UIMC1: variants seen among roughly 807,000 people sequenced by gnomAD.
The protein encoded by UIMC1 is BRCA1-A complex subunit RAP80.
UIMC1 carries 42 observed loss-of-function variants against 84.9 expected under a neutral mutation model. The observed-to-expected ratio is 0.49, with a 90% CI of 0.39 to 0.64. UIMC1 has a LOEUF of 0.64. Among genes scored for constraint, UIMC1 ranks in the 30% least tolerant of loss-of-function variants. The pLI is 0.00. For synonymous variants in UIMC1, 281 were observed against 293.0 expected, an observed-to-expected ratio of 0.96 and a Z score of 0.42; for missense variants, 825 against 847.6, an observed-to-expected ratio of 0.97 and a Z score of 0.33.
intron 1 of UIMC1, among the ~76,000 whole-genome samples, chr5:177,019,464 T>C (rs1775741181): frequency 6.6e-6 from 1 of 150,900 alleles, no homozygotes; most frequent in African/African-American, 2.4e-5. Context: ...AGGGAAACCC[T>C]GTCTCTACAA....
At chr5:176,916,152 G>C (rs567408562) in intron 10 of UIMC1, among the ~76,000 whole-genome samples, 54 of 152,314 alleles carry the variant, frequency 3.5e-4, no homozygotes, top group African/African-American at 1.2e-3. Flanking sequence ...TATGAGGGTT[G>C]AGATAGCTAT....
At chr5:176,978,412 G>A (rs1770495086) in intron 2 of UIMC1, among the ~76,000 whole-genome samples, 1 of 152,006 alleles carries the variant, frequency 6.6e-6, no homozygotes, top group African/African-American at 2.4e-5. Context: ...TCATTTGGTA[G>A]CCCGGTTTTA....
intron 10 of UIMC1, among the ~76,000 whole-genome samples, chr5:176,932,005 C>G (rs919155447): frequency 6.6e-6 from 1 of 152,102 alleles, no homozygotes; most frequent in African/African-American, 2.4e-5. Context: ...AAAAAGAAGA[C>G]AACTGAGACC....
At chr5:176,985,198 G>A (rs1000291104) in intron 1 of UIMC1, among the ~76,000 whole-genome samples, 3 of 152,018 alleles carry the variant, frequency 2.0e-5, no homozygotes, top group Admixed American at 6.6e-5. Flanking sequence ...GCTCATGCCT[G>A]TAATCCCAGC....
chr5:176,968,670 T>TGC lies in UIMC1; in HGVS notation c.1083_1084dup (p.Gln362ArgfsTer24), dbSNP rs1287660514. 6.2e-7 allele frequency: 1 copy of TGC among 1,614,048 alleles called. No homozygotes were observed. Among genetic ancestry groups the TGC allele is most frequent in the African/African-American group, 1.3e-5 (1 of 74,918 alleles). On this transcript the variant is annotated frameshift_variant, in exon 6 of 15. Coordinates refer to ENST00000511320, the MANE Select transcript of UIMC1 (RefSeq NM_001199298.2). LOFTEE classifies it high-confidence loss of function. ...GTGCCAGTCAGATGCCCTAGACTCC[T>TGC]GCCTCTCCTCTTTGTCTTCATCTCC... is the stretch of plus-strand genomic sequence containing the variant.
intron 10 of UIMC1, among the ~76,000 whole-genome samples, chr5:176,918,505 T>A (rs1402261015): frequency 6.6e-6 from 1 of 152,204 alleles, no homozygotes; most frequent in Non-Finnish European, 1.5e-5. Flanking sequence ...CTGGGAGAAG[T>A]AAGCAAACAA....
chr5:176,933,495 G>GAACT (rs774983706), intron 10 of UIMC1, among the ~76,000 whole-genome samples: 36 of 151,664 alleles, frequency 2.4e-4, no homozygotes, highest in Non-Finnish European at 4.7e-4. Flanking sequence ...CCATATTAAA[G>GAACT]AACTACATTA....
At chr5:177,006,915 G>C (rs1361514257), upstream of UIMC1, among the ~76,000 whole-genome samples, 1 of 152,204 alleles carries the variant, frequency 6.6e-6, no homozygotes, top group East Asian at 1.9e-4. Context: ...GCGCTTTGGG[G>C]GAAAGCAAGG....
intron 8 of UIMC1, 122 bp downstream of exon 8, chr5:176,955,837 A>C (rs1306442772): frequency 1.2e-6 from 1 of 840,934 alleles, no homozygotes; most frequent in Non-Finnish European, 1.9e-6. Context: ...AGACATGTAC[A>C]TACACGTATC....
At chr5:176,939,256 CAA>C (rs61615337) in intron 10 of UIMC1, among the ~76,000 whole-genome samples, 21 of 71,852 alleles carry the variant, frequency 2.9e-4, no homozygotes, top group Admixed American at 3.4e-4. Context: ...GATCCTGTCT[CAA>C]AAAAAAAAAA....
chr5:176,916,879 T>C (rs1054621687), intron 10 of UIMC1, among the ~76,000 whole-genome samples: 3 of 152,148 alleles, frequency 2.0e-5, no homozygotes, highest in Non-Finnish European at 2.9e-5. Flanking sequence ...CAATACTATA[T>C]AAACATCAAC....
At chr5:177,000,968 T>C (rs990676496) in intron 1 of UIMC1, among the ~76,000 whole-genome samples, 1 of 152,202 alleles carries the variant, frequency 6.6e-6, no homozygotes, top group Admixed American at 6.5e-5. Flanking sequence ...GGTTGTCTCT[T>C]CACTTTATTG....
chr5:176,926,402 G>C (rs1001029862), intron 10 of UIMC1, among the ~76,000 whole-genome samples: 11 of 152,134 alleles, frequency 7.2e-5, no homozygotes, highest in African/African-American at 2.7e-4. Flanking sequence ...GGGAGGCCAA[G>C]AGAGAAGGAT....
chr5:176,974,549 T>C (rs1181596600), intron 3 of UIMC1, among the ~76,000 whole-genome samples: 2 of 152,066 alleles, frequency 1.3e-5, no homozygotes, highest in Non-Finnish European at 2.9e-5. Context: ...CATCAAAGTT[T>C]AAAACTTCTG....
intron 3 of UIMC1, among the ~76,000 whole-genome samples, chr5:176,972,123 A>C (rs991373424): frequency 6.6e-6 from 1 of 152,246 alleles, no homozygotes; most frequent in South Asian, 2.1e-4. Context: ...ATTACAGGCC[A>C]GGCGCGGTGG....
At chr5:177,016,462 C>A (rs1428362385) in intron 1 of UIMC1, among the ~76,000 whole-genome samples, 1 of 151,888 alleles carries the variant, frequency 6.6e-6, no homozygotes, top group South Asian at 2.1e-4. Context: ...GAGGCCGAGG[C>A]GGGCGGATCA....
intron 12 of UIMC1, among the ~76,000 whole-genome samples, chr5:176,907,737 C>T (rs892906921): frequency 3.3e-5 from 5 of 152,158 alleles, no homozygotes; most frequent in Admixed American, 1.3e-4. Flanking sequence ...CTAAGGAGTT[C>T]GACAGAGTTG....
chr5:176,997,675 ACT>A (rs200067696), intron 1 of UIMC1, among the ~76,000 whole-genome samples: 16,251 of 109,856 alleles, frequency 0.15, 2,043 homozygotes, highest in African/African-American at 0.39. Context: ...ACAGAGCGAG[ACT>A]CTGTCTCAAA....
chr5:176,916,519 T>C (rs1013136849), intron 10 of UIMC1, among the ~76,000 whole-genome samples: 1 of 152,244 alleles, frequency 6.6e-6, no homozygotes, highest in African/African-American at 2.4e-5. Flanking sequence ...CTGTGTGGCC[T>C]TAGGCAAGTT....
Sources: allele counts gnomAD v4.1 joint callset (sites outside exome capture counted in the v4.1 genomes callset), GRCh38; gene constraint gnomAD v4.1.1; transcripts MANE v1.5; gene names NCBI Gene and HGNC (gene_info 2026-07-23, HGNC 2026-07-21).